COMMD1: variants seen among roughly 807,000 people sequenced by gnomAD.
The protein encoded by COMMD1 is copper metabolism domain containing 1, also known as COMM domain-containing protein 1.
COMMD1 carries 10 observed loss-of-function variants against 17.2 expected under a neutral mutation model. The observed-to-expected ratio is 0.58, with a 90% CI of 0.36 to 0.99. The LOEUF is 0.99. COMMD1 is among the 50% of genes least tolerant of loss of function. The pLI, the probability that COMMD1 is intolerant of heterozygous loss-of-function variation, is 0.01. For missense variants in COMMD1, 270 were observed against 231.8 expected, an observed-to-expected ratio of 1.17 and a Z score of -1.07; for synonymous variants, 97 against 91.6, an observed-to-expected ratio of 1.06 and a Z score of -0.34.
chr2:61,980,624 A>T (rs576961589), intron 1 of COMMD1, among the ~76,000 whole-genome samples: 11 of 142,716 alleles, frequency 7.7e-5, no homozygotes, highest in African/African-American at 2.9e-4. Context: ...AATTTGTTTG[A>T]GTTCATTGTA....
At chr2:61,987,307 A>G (rs1672130387) in intron 1 of COMMD1, among the ~76,000 whole-genome samples, 1 of 152,132 alleles carries the variant, frequency 6.6e-6, no homozygotes, top group Non-Finnish European at 1.5e-5. Flanking sequence ...ACCATCTAGT[A>G]CATCTTGTTT....
At position 61,974,913 on chromosome 2, in the gene COMMD1, C is replaced by T. The variant is rs188012559; in HGVS notation, c.181-25788C>T. On this transcript the variant is annotated intron_variant, in intron 1 of 2. Coordinates refer to ENST00000311832, the MANE Select transcript of COMMD1 (RefSeq NM_152516.4). ...GTTTACATTAGCGTTCACTCTGCTTCAGCTATTTATCTTTCTCTCCCTCCT... is the reference window on the plus strand; with the variant it reads ...GTTTACATTAGCGTTCACTCTGCTTTAGCTATTTATCTTTCTCTCCCTCCT... Among the ~76,000 whole-genome samples the T allele has an allele frequency of 1.9e-3, 295 of 152,052 alleles. 1 individual carries two copies. Among genetic ancestry groups the T allele is most frequent in the African/African-American group, 6.6e-3 (275 of 41,516 alleles).
At chr2:61,981,868 C>A (rs972656427) in intron 1 of COMMD1, among the ~76,000 whole-genome samples, 1 of 152,200 alleles carries the variant, frequency 6.6e-6, no homozygotes, top group African/African-American at 2.4e-5. Flanking sequence ...GGGACACAGC[C>A]AAACCATATC....
chr2:61,970,164 A>G (rs1671609544), intron 1 of COMMD1, among the ~76,000 whole-genome samples: 1 of 151,886 alleles, frequency 6.6e-6, no homozygotes, highest in Non-Finnish European at 1.5e-5. Context: ...AGACTGAGGC[A>G]GGGGAATCGC....
intron 1 of COMMD1, among the ~76,000 whole-genome samples, chr2:61,889,481 G>A (rs763324387): frequency 3.2e-4 from 48 of 152,156 alleles, no homozygotes; most frequent in Non-Finnish European, 5.9e-4. Flanking sequence ...AAAGTACTGG[G>A]ATTACAGGCG....
At chr2:61,913,400 G>A (rs1391722565) in intron 1 of COMMD1, among the ~76,000 whole-genome samples, 6 of 142,326 alleles carry the variant, frequency 4.2e-5, no homozygotes, top group Admixed American at 1.4e-4. Flanking sequence ...AAAAGTGGCC[G>A]GGCATGGTGG....
At chr2:61,895,735 C>A (rs1189635438) in intron 1 of COMMD1, among the ~76,000 whole-genome samples, 1 of 152,156 alleles carries the variant, frequency 6.6e-6, no homozygotes, top group African/African-American at 2.4e-5. Context: ...ACCGTTAGGG[C>A]CAGTACTGCC....
intron 1 of COMMD1, among the ~76,000 whole-genome samples, chr2:61,952,319 G>A (rs1441466062): frequency 2.0e-5 from 3 of 152,164 alleles, no homozygotes; most frequent in East Asian, 3.8e-4. Flanking sequence ...CTAAAATATA[G>A]GCATAGTTTT....
At chr2:61,937,229 A>G (rs1670627505) in intron 1 of COMMD1, among the ~76,000 whole-genome samples, 1 of 152,156 alleles carries the variant, frequency 6.6e-6, no homozygotes, top group Non-Finnish European at 1.5e-5. Flanking sequence ...GAGGGGTATG[A>G]TGATTACCCC....
At chr2:62,074,951 G>A (rs1296218337) in intron 2 of COMMD1, among the ~76,000 whole-genome samples, 6 of 146,966 alleles carry the variant, frequency 4.1e-5, no homozygotes, top group African/African-American at 1.3e-4. Context: ...GTGCAATGGC[G>A]CAATCTCGGC....
At chr2:61,917,629 G>A (rs574628549) in intron 1 of COMMD1, among the ~76,000 whole-genome samples, 3 of 151,976 alleles carry the variant, frequency 2.0e-5, no homozygotes, top group African/African-American at 7.2e-5. Flanking sequence ...CCTGGTTCAC[G>A]CTATTCTTCC....
At chr2:62,113,190 TAAAAA>T (rs532292925) in intron 2 of COMMD1, among the ~76,000 whole-genome samples, 2 of 145,654 alleles carry the variant, frequency 1.4e-5, no homozygotes, top group South Asian at 2.2e-4. Flanking sequence ...ACAAAAAAAT[TAAAAA>T]AAAAAAATTA....
At chr2:62,119,202 G>A (rs540147675) in intron 2 of COMMD1, among the ~76,000 whole-genome samples, 37 of 152,296 alleles carry the variant, frequency 2.4e-4, no homozygotes, top group Admixed American at 1.2e-3. Flanking sequence ...GAAGATAGCT[G>A]TCTACAAGCC....
intron 2 of COMMD1, among the ~76,000 whole-genome samples, chr2:62,021,430 G>C (rs1669612269): frequency 6.6e-6 from 1 of 152,148 alleles, no homozygotes; most frequent in South Asian, 2.1e-4. Context: ...GGAAAGCTAA[G>C]GGTGGAGCTT....
chr2:62,039,796 A>T (rs1670136411), intron 2 of COMMD1, among the ~76,000 whole-genome samples: 1 of 152,252 alleles, frequency 6.6e-6, no homozygotes, highest in African/African-American at 2.4e-5. Context: ...TCTTTCTACT[A>T]AACACAAATA....
chr2:62,042,752 A>C (rs1005696483), intron 2 of COMMD1, among the ~76,000 whole-genome samples: 34 of 151,874 alleles, frequency 2.2e-4, no homozygotes, highest in Admixed American at 2.6e-4. Context: ...CAAGTTGTCA[A>C]CTCTCACTAG....
chr2:61,997,205 G>A (rs550255401), intron 1 of COMMD1, among the ~76,000 whole-genome samples: 1 of 152,000 alleles, frequency 6.6e-6, no homozygotes, highest in Admixed American at 6.6e-5. Flanking sequence ...GACCACAGAT[G>A]CGTACTACCC....
intron 1 of COMMD1, 25 bp from the exon 2 acceptor site, chr2:62,000,676 T>C: frequency 6.2e-7 from 1 of 1,612,518 alleles, no homozygotes; most frequent in Non-Finnish European, 8.5e-7. Flanking sequence ...ATTCAAATTT[T>C]TTGCTTTTTC....
intron 2 of COMMD1, among the ~76,000 whole-genome samples, chr2:62,058,520 A>G (rs906289955): frequency 1.3e-5 from 2 of 152,010 alleles, no homozygotes; most frequent in Non-Finnish European, 2.9e-5. Context: ...TTATACCTGT[A>G]ATTGCAGCAC....
Sources: gnomAD v4.1 joint callset for allele counts (sites outside exome capture counted in the v4.1 genomes callset) on GRCh38, gnomAD v4.1.1 for gene constraint, MANE v1.5 for transcripts, NCBI Gene and HGNC (gene_info 2026-07-23, HGNC 2026-07-21) for gene names.